The following ANK3 variants were observed in gnomAD, a reference collection of about 807,000 sequenced individuals.
The protein encoded by ANK3 is ankyrin 3.
In ANK3, 57 loss-of-function variants were observed where a neutral mutation model predicts 370.9. The ratio of observed to expected loss-of-function variants is 0.15; its 90% CI spans 0.12 to 0.19. The LOEUF (loss-of-function observed/expected upper bound fraction) is 0.19. Among genes scored for constraint, ANK3 ranks in the 10% least tolerant of loss-of-function variants. The probability of loss-of-function intolerance (pLI) is 1.00; values close to 1 mark genes in which losing one functional copy is unlikely to be tolerated. For synonymous variants in ANK3, 1,929 were observed against 1,946.3 expected (o/e 0.99, Z 0.23); for missense variants, 4,439 against 5,302.1 (o/e 0.84, Z 5.06).
chr10:60,543,939 CT>C (rs5785454), intron 2 of ANK3, among the ~76,000 whole-genome samples: 102,212 of 151,768 alleles, frequency 0.67, 34,892 homozygotes, highest in South Asian at 0.87. Context: ...TAATAAGCTA[CT>C]TGTGTTATTG....
At chr10:60,128,299 T>C (rs1441696417) in intron 25 of ANK3, among the ~76,000 whole-genome samples, 1 of 152,074 alleles carries the variant, frequency 6.6e-6, no homozygotes, top group African/African-American at 2.4e-5. Flanking sequence ...TGGAGCCAGA[T>C]GGCCAGTGAC....
chr10:60,254,713 C>G (rs1263987512), intron 7 of ANK3, among the ~76,000 whole-genome samples: 1 of 152,100 alleles, frequency 6.6e-6, no homozygotes, highest in Non-Finnish European at 1.5e-5. Flanking sequence ...CTATTAGTAT[C>G]CTGTGAATTT....
Position 60,433,479 on chromosome 10 carries a change from C to T in ANK3, c.97-153840G>A, listed in dbSNP as rs569569833. ...TAGTGGTGCACAACTATAATCACAGCCATGTTGGGAGGCTGAGGCATGAGA... is the reference window on the plus strand; with the variant it reads ...TAGTGGTGCACAACTATAATCACAGTCATGTTGGGAGGCTGAGGCATGAGA... On this transcript the variant is annotated intron_variant, in intron 2 of 43. Coordinates refer to the ANK3 transcript ENST00000373827. Among the ~76,000 whole-genome samples, 11 of 152,080 alleles carry T rather than the reference C, an allele frequency of 7.2e-5. No homozygotes were observed. The South Asian group carries it at 2.1e-3, about 29-fold the overall frequency.
In ANK3 at chr10:60,583,526, T is replaced by TG. The variant is rs1567163790; in HGVS notation, c.96+31659_96+31660insC. Among the ~76,000 whole-genome samples the TG allele has an allele frequency of 2.2e-5, 2 of 90,512 alleles. 1 individual carries two copies. Among genetic ancestry groups the TG allele is most frequent in the East Asian group, 9.9e-4 (2 of 2,030 alleles). The allele number at this position is 90,512 out of a possible 152,430, so 59.4% of individuals were successfully genotyped here. ...GAGGTTTTTTGTTTTTTGTTTTTTG[T>TG]TTTTTTTTGAGGTGGAATCTCGTTC... is the stretch of plus-strand genomic sequence containing the variant. On this transcript the variant is annotated intron_variant, in intron 2 of 43. Transcript: ENST00000373827.
chr10:60,263,179 A>G (rs138769424), intron 6 of ANK3, among the ~76,000 whole-genome samples: 1 of 152,296 alleles, frequency 6.6e-6, no homozygotes, highest in African/African-American at 2.4e-5. Flanking sequence ...AGCAAAGAGG[A>G]GGAAAAAATG....
intron 2 of ANK3, among the ~76,000 whole-genome samples, chr10:60,457,230 C>T (rs1394380989): frequency 6.6e-6 from 1 of 152,068 alleles, no homozygotes; most frequent in Non-Finnish European, 1.5e-5. Context: ...ACTGTGGATA[C>T]CAGGAATGGG....
chr10:60,715,774 C>T (rs181031080), intron 1 of ANK3, among the ~76,000 whole-genome samples: 14 of 152,126 alleles, frequency 9.2e-5, no homozygotes, highest in Admixed American at 6.5e-4. Flanking sequence ...TTTTGTTCTA[C>T]GATTTTTTTT....
chr10:60,585,187 CTGCA>C (rs1245233086), intron 2 of ANK3, among the ~76,000 whole-genome samples: 1 of 152,278 alleles, frequency 6.6e-6, no homozygotes, highest in East Asian at 1.9e-4. Context: ...GAAATTGATG[CTGCA>C]TGCTGGAGAG....
chr10:60,459,721 C>T lies in ANK3; in HGVS notation c.96+155465G>A, dbSNP rs142379502. ...ATGCAGCTTCTTTCTGGAATATGACCTTAATGAACCAAAGGCATCTCAGAT... is the reference window on the plus strand; with the variant it reads ...ATGCAGCTTCTTTCTGGAATATGACTTTAATGAACCAAAGGCATCTCAGAT... On this transcript the variant is annotated intron_variant, in intron 2 of 43. Coordinates refer to the ANK3 transcript ENST00000373827. Among the ~76,000 whole-genome samples the T allele has an allele frequency of 1.4e-3, 209 of 152,228 alleles. 1 individual carries two copies. The highest frequency in any genetic ancestry group is 2.3e-3 in the Non-Finnish European group (159 of 68,012).
intron 24 of ANK3, among the ~76,000 whole-genome samples, chr10:60,135,555 C>G (rs539800057): frequency 6.6e-6 from 1 of 152,304 alleles, no homozygotes; most frequent in African/African-American, 2.4e-5. Context: ...GAAGCTAGCA[C>G]CTTTCACTTC....
chr10:60,252,255 A>G (rs371414410), intron 7 of ANK3, among the ~76,000 whole-genome samples: 1 of 152,142 alleles, frequency 6.6e-6, no homozygotes, highest in South Asian at 2.1e-4. Flanking sequence ...CTGCTGTGGA[A>G]GAACTGCAGT....
chr10:60,063,620 T>C (rs904832365), intron 39 of ANK3, among the ~76,000 whole-genome samples: 4 of 152,226 alleles, frequency 2.6e-5, no homozygotes, highest in African/African-American at 9.6e-5. Context: ...TAGGGTCAAG[T>C]TGACACAGGC....
In ANK3 at chr10:60,325,039, C is replaced by T. The variant is rs550970949; in HGVS notation, c.115-45400G>A. Among the ~76,000 whole-genome samples the T allele has an allele frequency of 3.9e-5, 6 of 152,304 alleles. No homozygotes were observed. In the East Asian group the frequency reaches 7.7e-4, roughly 20 times the overall value. Reference sequence around the variant, plus strand: ...TTAGCCCGTCACTACCCATAATGTACTCTGCTTACCCTGGTTAGATGGTGA... The same window carrying T: ...TTAGCCCGTCACTACCCATAATGTATTCTGCTTACCCTGGTTAGATGGTGA... On this transcript the variant is annotated intron_variant, in intron 1 of 43. Transcript: ENST00000280772.
intron 1 of ANK3, among the ~76,000 whole-genome samples, chr10:60,321,364 AC>A (rs1448485780): frequency 6.8e-6 from 1 of 146,710 alleles, no homozygotes; most frequent in South Asian, 2.3e-4. Context: ...CTCAAAAAAA[AC>A]AAAAGGAAAA....
chr10:60,711,573 A>G (rs1008660475), intron 1 of ANK3, among the ~76,000 whole-genome samples: 7 of 152,192 alleles, frequency 4.6e-5, no homozygotes, highest in African/African-American at 1.7e-4. Flanking sequence ...GAATATTCAA[A>G]AAGTGTGAGA....
chr10:60,144,097 T>A, intron 23 of ANK3: 1 of 318,688 alleles, frequency 3.1e-6, no homozygotes, highest in Non-Finnish European at 6.1e-6. Context: ...CCACCTCAGC[T>A]GCTGACTGCA....
chr10:60,249,552 T>C (rs2097612803), intron 7 of ANK3, among the ~76,000 whole-genome samples: 1 of 152,252 alleles, frequency 6.6e-6, no homozygotes. Flanking sequence ...GTTTCTCAGG[T>C]ATCTTGCCTT....
intron 7 of ANK3, among the ~76,000 whole-genome samples, chr10:60,256,867 C>T (rs2097746257): frequency 6.6e-6 from 1 of 152,130 alleles, no homozygotes; most frequent in Non-Finnish European, 1.5e-5. Context: ...TTCATCCAGT[C>T]CACTGTTGAT....
At chr10:60,635,682 A>C (rs2078544603) in intron 1 of ANK3, among the ~76,000 whole-genome samples, 1 of 142,244 alleles carries the variant, frequency 7.0e-6, no homozygotes, top group South Asian at 2.5e-4. Flanking sequence ...AAAATAAATT[A>C]TTATAGCTTA....
Sources: gnomAD v4.1 joint callset for allele counts (sites outside exome capture counted in the v4.1 genomes callset) on GRCh38, gnomAD v4.1.1 for gene constraint, MANE v1.5 for transcripts, NCBI Gene and HGNC (gene_info 2026-07-23, HGNC 2026-07-21) for gene names.